FANCI: variants seen among roughly 807,000 people sequenced by gnomAD.
FANCI encodes the protein Fanconi anemia group I protein.
A neutral mutation model predicts 176.1 loss-of-function variants in FANCI; 156 were observed. That is an observed-to-expected ratio of 0.89 (90% CI 0.78 to 1.01). The LOEUF is 1.01. Ranked by LOEUF, FANCI falls within the 50% of genes least tolerant of loss-of-function variation. The probability of loss-of-function intolerance (pLI) is 0.00; values close to 1 mark genes in which losing one functional copy is unlikely to be tolerated. For synonymous variants in FANCI, 613 were observed against 541.7 expected, an observed-to-expected ratio of 1.13 and a Z score of -1.83; for missense variants, 1,678 against 1,534.1, an observed-to-expected ratio of 1.09 and a Z score of -1.57.
Position 89,316,676 on chromosome 15 carries a change from TGAA to T in FANCI, c.*218_*220del, listed in dbSNP as rs2055276201. 3.4e-5 allele frequency: 45 copies of T among 1,338,444 alleles called. No homozygotes were observed. Among genetic ancestry groups the T allele is most frequent in the Admixed American group, 2.1e-4 (12 of 58,512 alleles). The allele number at this position is 1,338,444 out of a possible 1,614,324, so 82.9% of individuals were successfully genotyped here. A position where few individuals can be genotyped will look rare whatever the true frequency, so the allele number is the denominator to read the frequency against. ...CAAGCCCTTTTGCAAAAAGCACAGC[TGAA>T]AGCCTGAGTTTGGGAGCCTGCACCA... On this transcript the variant is annotated 3_prime_UTR_variant, in exon 38 of 38. Transcript: ENST00000310775.
chr15:89,262,199 C>T (rs1018366495), intron 6 of FANCI, among the ~76,000 whole-genome samples: 4 of 151,590 alleles, frequency 2.6e-5, no homozygotes, highest in East Asian at 3.9e-4. Flanking sequence ...GTCTCAAGGT[C>T]GTGAAGGCTG....
intron 34 of FANCI, chr15:89,307,953 A>G: frequency 7.6e-7 from 1 of 1,311,888 alleles, no homozygotes; most frequent in Admixed American, 3.2e-5. Context: ...GACTTGGTTT[A>G]TTCCTGGGTG....
intron 13 of FANCI, among the ~76,000 whole-genome samples, chr15:89,277,630 A>AAAAAAAAAAG (rs1555445436): frequency 2.7e-5 from 4 of 146,094 alleles, no homozygotes; most frequent in Non-Finnish European, 3.0e-5. Flanking sequence ...AAAAAAAAAA[A>AAAAAAAAAAG]AAGAATCATA....
chr15:89,263,478 C>T lies in FANCI; in HGVS notation c.545+18C>T. 2 of 1,606,442 alleles carry T rather than the reference C, an allele frequency of 1.2e-6. No homozygotes were observed. The highest frequency in any genetic ancestry group is 1.7e-6 in the Non-Finnish European group (2 of 1,173,260). ...ATGTTCAAGTAAGCATCATCTTTTCCCTTTTCTTTGTGTATCCTGCTTTGT... is the reference window on the plus strand; with the variant it reads ...ATGTTCAAGTAAGCATCATCTTTTCTCTTTTCTTTGTGTATCCTGCTTTGT... On this transcript the variant is annotated intron_variant, in intron 7 of 37. Transcript: ENST00000310775.
intron 26 of FANCI, 88 bp from the exon 27 acceptor site, chr15:89,301,238 G>T (rs2054514750): frequency 1.2e-6 from 1 of 862,276 alleles, no homozygotes; most frequent in Admixed American, 1.7e-5. Flanking sequence ...TTCTGTCCTA[G>T]TCTTAGGAGT....
In FANCI at chr15:89,281,277, C is replaced by G. The variant is rs1049036307; in HGVS notation, c.1489C>G (p.Gln497Glu). The G allele has an allele frequency of 6.2e-7, 1 of 1,613,808 alleles. No individual in the cohort carries two copies. Among genetic ancestry groups the G allele is most frequent in the East Asian group, 2.2e-5 (1 of 44,812 alleles). ...GTCCTTTCTGCCCCTTCAGACTGTA[C>G]AAAGGCTGCTTAAGGCAGTGCAGGT... ...YLSFLPLQTV[Q>E]RLLKAVQPLL... Residue 497 changes from glutamine (Q) to glutamate (E), a missense_variant, in exon 15 of 38, where the codon CAA (glutamine) becomes GAA (glutamate). Physicochemically the swap from Gln to Glu is conservative, Grantham distance 29 (BLOSUM62 2). Around this residue, in one of 3 missense-constraint regions of FANCI, gnomAD observed 1,204 missense variants for 1,077.4 expected, o/e 1.12. Transcript: ENST00000310775.
At chr15:89,294,586 A>C (rs1450256673) in intron 23 of FANCI, among the ~76,000 whole-genome samples, 1 of 151,114 alleles carries the variant, frequency 6.6e-6, no homozygotes, top group Admixed American at 6.6e-5. Flanking sequence ...ATTCTGCCTA[A>C]ATAAATAAAA....
chr15:89,311,001 T>A (rs192753215), intron 34 of FANCI, among the ~76,000 whole-genome samples: 2 of 152,204 alleles, frequency 1.3e-5, no homozygotes, highest in Admixed American at 1.3e-4. Context: ...CTCACACCTG[T>A]AATCTCAGCA....
At chr15:89,270,908 G>A (rs1173169583) in intron 10 of FANCI, among the ~76,000 whole-genome samples, 1 of 152,090 alleles carries the variant, frequency 6.6e-6, no homozygotes, top group Admixed American at 6.5e-5. Context: ...CCTTCTGTAG[G>A]AAAGGATATT....
intron 3 of FANCI, 164 bp downstream of exon 3, chr15:89,258,940 A>G (rs1410349424): frequency 1.6e-6 from 1 of 625,892 alleles, no homozygotes; most frequent in African/African-American, 1.8e-5. Flanking sequence ...AGTGGACTTA[A>G]GTAATTTTAC....
At chr15:89,273,983 C>A (rs914125298) in intron 11 of FANCI, among the ~76,000 whole-genome samples, 185 bp from the exon 12 acceptor site, 1 of 152,102 alleles carries the variant, frequency 6.6e-6, no homozygotes, top group Admixed American at 6.5e-5. Flanking sequence ...GTAACATCTT[C>A]ATCTAGTTAA....
At chr15:89,254,213 A>G (rs1174876679) in intron 2 of FANCI, among the ~76,000 whole-genome samples, 2 of 152,090 alleles carry the variant, frequency 1.3e-5, no homozygotes, top group African/African-American at 4.8e-5. Flanking sequence ...AAATAAATAA[A>G]TTTTAAAAAG....
intron 6 of FANCI, 140 bp downstream of exon 6, chr15:89,262,018 T>G (rs1368021064): frequency 2.7e-6 from 2 of 733,280 alleles, no homozygotes; most frequent in African/African-American, 3.5e-5. Context: ...AACTATTTAG[T>G]CTGCAATGAA....
At chr15:89,277,305 GAAAAT>G (rs2053443593) in intron 13 of FANCI, among the ~76,000 whole-genome samples, 1 of 135,940 alleles carries the variant, frequency 7.4e-6, no homozygotes, top group Non-Finnish European at 1.7e-5. Flanking sequence ...AATTTTTACT[GAAAAT>G]AAAACAAAAA....
chr15:89,281,939 G>C, intron 16 of FANCI, 104 bp downstream of exon 16: 2 of 1,087,162 alleles, frequency 1.8e-6, no homozygotes, highest in Non-Finnish European at 2.8e-6. Flanking sequence ...GTGATCATGA[G>C]AATTCCTAGC....
rs543431700 is a variant in FANCI at position 89,286,977 on chromosome 15, C to CTTTTTT, written c.1821+1775_1821+1780dup. ...TCAGCATTTGCTGCTTCACCTTGCA[C>CTTTTTT]TTTTTTTTTTTTTTTTTTTTTGAGT... On this transcript the variant is annotated intron_variant, in intron 18 of 37. Coordinates refer to ENST00000310775, the MANE Select transcript of FANCI (RefSeq NM_001113378.2). Among the ~76,000 whole-genome samples, 32 of 86,040 alleles carry CTTTTTT rather than the reference C, an allele frequency of 3.7e-4. 2 individuals carry two copies. Among genetic ancestry groups the CTTTTTT allele is most frequent in the African/African-American group, 7.6e-4 (16 of 21,180 alleles). The allele number at this position is 86,040 out of a possible 152,430, so 56.4% of individuals were successfully genotyped here. A position where few individuals can be genotyped will look rare whatever the true frequency, so the allele number is the denominator to read the frequency against.
intron 13 of FANCI, 96 bp downstream of exon 13, chr15:89,276,987 G>A (rs759439186): frequency 4.0e-6 from 5 of 1,253,464 alleles, no homozygotes; most frequent in Non-Finnish European, 4.7e-6. Context: ...AAGGAAATTT[G>A]AGTATGTATT....
chr15:89,294,889 CTT>C, intron 23 of FANCI, 24 bp from the exon 24 acceptor site: 6 of 1,542,360 alleles, frequency 3.9e-6, no homozygotes, highest in Non-Finnish European at 5.2e-6. Flanking sequence ...CTTCCTTTTT[CTT>C]TCTCTCTCTC....
chr15:89,252,254 T>G (rs1231915226), intron 2 of FANCI, among the ~76,000 whole-genome samples: 3 of 149,208 alleles, frequency 2.0e-5, no homozygotes, highest in Non-Finnish European at 3.0e-5. Flanking sequence ...GAGCCCAGAT[T>G]GCACCATTGC....
Sources: gnomAD v4.1 joint callset for allele counts (sites outside exome capture counted in the v4.1 genomes callset) on GRCh38, gnomAD v4.1.1 for gene constraint, gnomAD v4.1.1 regional missense constraint, MANE v1.5 for transcripts, NCBI Gene and HGNC (gene_info 2026-07-23, HGNC 2026-07-21) for gene names.